Variants in CNTNAP2 observed in about 807,000 individuals in gnomAD.
The protein encoded by CNTNAP2 is contactin associated protein 2.
A neutral mutation model predicts 155.2 loss-of-function variants in CNTNAP2; 98 were observed. The observed-to-expected ratio is 0.63, with a 90% CI of 0.54 to 0.75. CNTNAP2 has a LOEUF of 0.75. Ranked by LOEUF, CNTNAP2 falls within the 30% of genes least tolerant of loss-of-function variation. CNTNAP2 has a pLI of 0.00. For missense variants in CNTNAP2, 1,727 were observed against 1,688.1 expected (o/e 1.02, Z -0.40); for synonymous variants, 651 against 631.2 (o/e 1.03, Z -0.47).
chr7:146,431,800 G>A (rs957709156), intron 1 of CNTNAP2, among the ~76,000 whole-genome samples: 1 of 152,012 alleles, frequency 6.6e-6, no homozygotes, highest in Admixed American at 6.6e-5. Flanking sequence ...AGACAGCCTG[G>A]CTCTAGACTA....
At chr7:147,729,985 A>G (rs915935348) in intron 13 of CNTNAP2, among the ~76,000 whole-genome samples, 33 of 152,094 alleles carry the variant, frequency 2.2e-4, no homozygotes, top group African/African-American at 4.6e-4. Context: ...AAAATAAGGG[A>G]GTGAATAAGA....
chr7:146,927,331 G>T (rs1451392116), intron 3 of CNTNAP2, among the ~76,000 whole-genome samples: 1 of 152,070 alleles, frequency 6.6e-6, no homozygotes, highest in Non-Finnish European at 1.5e-5. Context: ...GGTTGGTTTT[G>T]CTTACCATCA....
chr7:147,876,832 G>A (rs117892442), intron 13 of CNTNAP2, among the ~76,000 whole-genome samples: 2,809 of 152,194 alleles, frequency 0.018, 35 homozygotes, highest in Non-Finnish European at 0.03. Flanking sequence ...TGGGTCTGTG[G>A]GCTTGCAAGA....
At chr7:146,433,649 C>A (rs569954839) in intron 1 of CNTNAP2, among the ~76,000 whole-genome samples, 55 of 152,206 alleles carry the variant, frequency 3.6e-4, no homozygotes, top group African/African-American at 1.3e-3. Context: ...AGCATGAAGT[C>A]ATGAGTTCAG....
intron 1 of CNTNAP2, among the ~76,000 whole-genome samples, chr7:146,748,436 C>T (rs1801849465): frequency 6.6e-6 from 1 of 152,048 alleles, no homozygotes; most frequent in Admixed American, 6.6e-5. Context: ...TGACCCACCG[C>T]GCCCGGCCCC....
chr7:148,387,885 A>AGAAGCCAGT (rs1563068675), intron 22 of CNTNAP2, among the ~76,000 whole-genome samples: 3 of 152,102 alleles, frequency 2.0e-5, no homozygotes, highest in Admixed American at 1.3e-4. Flanking sequence ...GTTGCAGTAA[A>AGAAGCCAGT]GAAGCCAGCT....
intron 15 of CNTNAP2, among the ~76,000 whole-genome samples, chr7:148,026,688 G>A (rs138963436): frequency 2.6e-5 from 4 of 152,072 alleles, no homozygotes; most frequent in South Asian, 2.1e-4. Context: ...CCAGATACCC[G>A]CCCACCTCAT....
At chr7:148,390,316 G>T (rs537198734) in intron 22 of CNTNAP2, among the ~76,000 whole-genome samples, 1 of 152,120 alleles carries the variant, frequency 6.6e-6, no homozygotes, top group Non-Finnish European at 1.5e-5. Flanking sequence ...CAATAAATTT[G>T]CAGTGTGGGG....
Position 148,129,689 on chromosome 7 carries a change from C to G in CNTNAP2, c.2554+11401C>G, listed in dbSNP as rs557801120. Among the ~76,000 whole-genome samples, 177 of 152,306 alleles carry G rather than the reference C, an allele frequency of 1.2e-3. 5 individuals carry two copies. In the South Asian group the frequency reaches 0.035, roughly 30 times the overall value. On this transcript the variant is annotated intron_variant, in intron 16 of 23. Coordinates refer to ENST00000361727, the MANE Select transcript of CNTNAP2 (RefSeq NM_014141.6). ...GGATTCTAAGCTGACTGACCAGAGA[C>G]CAGTCCTTGAACCTCTCCAGACTTT...
chr7:147,286,187 C>T (rs551468272), intron 8 of CNTNAP2, among the ~76,000 whole-genome samples: 2 of 151,802 alleles, frequency 1.3e-5, no homozygotes, highest in Non-Finnish European at 2.9e-5. Flanking sequence ...TTTCTATAAA[C>T]CAAGGATGAT....
chr7:146,639,254 A>G (rs911110474), intron 1 of CNTNAP2, among the ~76,000 whole-genome samples: 2 of 152,222 alleles, frequency 1.3e-5, no homozygotes, highest in African/African-American at 4.8e-5. Context: ...TTTTACTTGT[A>G]AAAGTTCTGT....
intron 10 of CNTNAP2, among the ~76,000 whole-genome samples, chr7:147,454,428 T>C (rs12703910): frequency 0.12 from 18,628 of 152,194 alleles, 1,610 homozygotes; most frequent in Non-Finnish European, 0.19. Flanking sequence ...TTTGTGATTT[T>C]CTTTATTTTG....
intron 9 of CNTNAP2, among the ~76,000 whole-genome samples, chr7:147,390,402 G>C (rs1013893818): frequency 2.0e-5 from 3 of 152,128 alleles, no homozygotes; most frequent in African/African-American, 7.2e-5. Context: ...TTTTCTGTAA[G>C]AGGCCAGTAA....
intron 20 of CNTNAP2, among the ~76,000 whole-genome samples, chr7:148,248,617 A>G (rs993716055): frequency 7.9e-5 from 12 of 152,096 alleles, no homozygotes; most frequent in Admixed American, 5.9e-4. Context: ...GTGGTAATAC[A>G]CTTATGAATA....
chr7:147,099,585 A>C (rs1327879845), intron 4 of CNTNAP2, among the ~76,000 whole-genome samples: 3 of 152,182 alleles, frequency 2.0e-5, no homozygotes, highest in Non-Finnish European at 2.9e-5. Flanking sequence ...GTTGCTTATC[A>C]CTATTTGTAA....
At chr7:147,984,357 G>A (rs1385073974) in intron 15 of CNTNAP2, among the ~76,000 whole-genome samples, 1 of 152,176 alleles carries the variant, frequency 6.6e-6, no homozygotes, top group Non-Finnish European at 1.5e-5. Flanking sequence ...ATTTCGAGAT[G>A]GAGTTGGTGC....
intron 1 of CNTNAP2, among the ~76,000 whole-genome samples, chr7:146,120,849 C>T (rs1438443860): frequency 6.6e-6 from 1 of 152,066 alleles, no homozygotes; most frequent in Non-Finnish European, 1.5e-5. Context: ...ACCAAATAGT[C>T]TATGCTATGT....
chr7:146,324,496 A>G (rs1001507213), intron 1 of CNTNAP2, among the ~76,000 whole-genome samples: 6 of 152,168 alleles, frequency 3.9e-5, no homozygotes, highest in African/African-American at 1.4e-4. Context: ...AATTAGCAGT[A>G]TCTGGTACTT....
intron 1 of CNTNAP2, among the ~76,000 whole-genome samples, chr7:146,312,246 G>A (rs1800837135): frequency 6.6e-6 from 1 of 152,130 alleles, no homozygotes; most frequent in Admixed American, 6.5e-5. Flanking sequence ...TATATAATAA[G>A]GAGATTTTGA....
Sources: allele counts gnomAD v4.1 joint callset (sites outside exome capture counted in the v4.1 genomes callset), GRCh38; gene constraint gnomAD v4.1.1; transcripts MANE v1.5; gene names NCBI Gene and HGNC (gene_info 2026-07-23, HGNC 2026-07-21).